ZNF577: variants seen among roughly 807,000 people sequenced by gnomAD.
ZNF577 encodes zinc finger protein 577.
Under a neutral mutation model 13.9 loss-of-function variants are expected in ZNF577, and 14 were observed. The observed-to-expected ratio is 1.00, with a 90% CI of 0.66 to 1.57. ZNF577 has a LOEUF of 1.57. ZNF577 is among the 40% of genes most tolerant of loss of function. The pLI is 0.00. For missense variants in ZNF577, 555 were observed against 579.2 expected (o/e 0.96, Z 0.43); for synonymous variants, 203 against 202.9 (o/e 1.00, Z 0.00).
intron 5 of ZNF577, among the ~76,000 whole-genome samples, chr19:51,848,740 C>T (rs7252002): frequency 0.41 from 62,077 of 152,040 alleles, 14,144 homozygotes; most frequent in African/African-American, 0.61. Context: ...TACTGTGATG[C>T]AGGAGTCAAC....
At position 51,872,397 on chromosome 19, in the gene ZNF577, C is replaced by T. The variant is rs937820395; in HGVS notation, c.*135G>A. The stretch of plus-strand genomic sequence containing the variant: ...CCAACATGATTTCAATGGTGTTTAA[C>T]AGGTTTGACTTCTCACAGAAATGTC... On this transcript the variant is annotated 3_prime_UTR_variant, in exon 6 of 6. Coordinates refer to ENST00000638348, the MANE Select transcript of ZNF577 (RefSeq NM_001370449.1). 16 of 691,098 alleles carry T rather than the reference C, an allele frequency of 2.3e-5. No homozygotes were observed. The highest frequency in any genetic ancestry group is 3.6e-5 in the African/African-American group (2 of 55,286). The allele number at this position is 691,098 out of a possible 1,614,324, so 42.8% of individuals were successfully genotyped here.
chr19:51,824,907 C>A lies in ZNF577; in HGVS notation c.*600-13233G>T. The A allele has an allele frequency of 5.5e-6, 5 of 917,052 alleles. No homozygotes were observed. The highest frequency in any genetic ancestry group is 8.2e-6 in the Non-Finnish European group (5 of 608,954). The allele number at this position is 917,052 out of a possible 1,614,324, so 56.8% of individuals were successfully genotyped here. A position where few individuals can be genotyped will look rare whatever the true frequency, so the allele number is the denominator to read the frequency against. ...TTTTCTTCCTCTTTCATACCACCAC[C>A]ACCACAATCATCAACATAAAGGAAG... On this transcript the variant is annotated intron_variant and NMD_transcript_variant, in intron 9 of 10. Transcript: ENST00000638827. This position sits in a 1 kb window ranked among gnomAD's most constrained non-coding sequence, Gnocchi z 4.7.
rs373536710 is a variant in ZNF577, at chr19:51,878,456, C to T, written c.120G>A (p.Leu40=). Residue 40 remains leucine (L), a synonymous_variant, in exon 4 of 6, where the codon TTG becomes TTA. Transcript: ENST00000638348. ...TGTACAAGACCTTCTGAGACTGGTC[C>T]AAAAACTGCCACTCCTCCCTGGTGA... ...VGFTREEWQF[L]DQSQKVLYKE... is the part of the protein sequence containing the mutation. 2.0e-4 allele frequency: 330 copies of T among 1,613,928 alleles called. No homozygotes were observed. Among genetic ancestry groups the T allele is most frequent in the Non-Finnish European group, 2.7e-4 (319 of 1,180,000 alleles).
chr19:51,848,598 G>T lies in ZNF577; in HGVS notation c.284-3667C>A, dbSNP rs538169626. 3.1e-4 allele frequency among the ~76,000 whole-genome samples: 47 copies of T among 152,242 alleles called. 1 individual carries two copies. Among genetic ancestry groups the T allele is most frequent in the Middle Eastern group, 3.4e-3 (1 of 294 alleles). On this transcript the variant is annotated intron_variant and NMD_transcript_variant, in intron 5 of 10. Transcript: ENST00000638827. The stretch of plus-strand genomic sequence containing the variant: ...TGGTTTGTGGGGAGAGATGGTGAGG[G>T]CTTAAGAACTAATGTAAAGATGCCT...
At chr19:51,829,298 A>G (rs1358848972) in intron 9 of ZNF577, among the ~76,000 whole-genome samples, 1 of 152,194 alleles carries the variant, frequency 6.6e-6, no homozygotes, top group African/African-American at 2.4e-5. Context: ...GCATTTATTC[A>G]GTACAGATTT....
In ZNF577 at chr19:51,868,327, G is replaced by A. The variant is rs143320083; in HGVS notation, c.*4205C>T. Reference sequence around the variant, plus strand: ...CACACCTAAAAAAGTTTCATCTGGGGTGTAAAAGGAGAAAGTCAGCAGAGT... The same window carrying A: ...CACACCTAAAAAAGTTTCATCTGGGATGTAAAAGGAGAAAGTCAGCAGAGT... On this transcript the variant is annotated 3_prime_UTR_variant, in exon 6 of 6. Transcript: ENST00000638348. Among the ~76,000 whole-genome samples the A allele has an allele frequency of 1.7e-3, 253 of 152,262 alleles. No homozygotes were observed. In the Middle Eastern group the frequency reaches 0.02, roughly 12 times the overall value.
At position 51,880,314 on chromosome 19, in the gene ZNF577, C is replaced by T; in HGVS notation, c.60+9G>A. 2 of 1,613,808 alleles carry T rather than the reference C, an allele frequency of 1.2e-6. No homozygotes were observed. Among genetic ancestry groups the T allele is most frequent in the South Asian group, 1.1e-5 (1 of 91,046 alleles). ...GTTTCTCAAGCTCTCACAGCAATGA[C>T]AAATTTACCTCCCCTGAAGAACTGC... is the stretch of plus-strand genomic sequence containing the variant. On this transcript the variant is annotated intron_variant, in intron 3 of 5. Transcript: ENST00000638348.
At chr19:51,852,266 C>T (rs534757353) in intron 5 of ZNF577, among the ~76,000 whole-genome samples, 7 of 152,334 alleles carry the variant, frequency 4.6e-5, no homozygotes, top group Non-Finnish European at 8.8e-5. Context: ...GCTGGCCATT[C>T]TTTTGGGCTA....
At chr19:51,855,395 G>GTGTC (rs898365257) in intron 5 of ZNF577, among the ~76,000 whole-genome samples, 2 of 151,402 alleles carry the variant, frequency 1.3e-5, no homozygotes, top group Non-Finnish European at 2.9e-5. Context: ...GTGTGTGTGT[G>GTGTC]TGTGTGTGTG....
intron 5 of ZNF577, among the ~76,000 whole-genome samples, chr19:51,854,609 C>A (rs982891914): frequency 3.3e-5 from 5 of 150,370 alleles, no homozygotes; most frequent in Middle Eastern, 3.4e-3. Flanking sequence ...ACTGGGTTTA[C>A]AAGTGAGAGC....
intron 10 of ZNF577, among the ~76,000 whole-genome samples, chr19:51,806,287 G>T (rs59974934): frequency 6.6e-6 from 1 of 152,054 alleles, no homozygotes; most frequent in African/African-American, 2.4e-5. Flanking sequence ...GCACCCACAT[G>T]GCTTGTCAAT....
At chr19:51,835,896 T>G (rs763443240) in intron 9 of ZNF577, among the ~76,000 whole-genome samples, 8 of 152,236 alleles carry the variant, frequency 5.3e-5, no homozygotes, top group Non-Finnish European at 7.3e-5. Context: ...TTTCACCATG[T>G]TGGTCAGGCT....
rs1042559072 is a variant in ZNF577 at position 51,856,869 on chromosome 19, G to A, written c.284-11938C>T. Among the ~76,000 whole-genome samples the A allele has an allele frequency of 4.6e-5, 7 of 152,142 alleles. No individual in the cohort carries two copies. The South Asian group carries it at 6.2e-4, about 14-fold the overall frequency. On this transcript the variant is annotated intron_variant and NMD_transcript_variant, in intron 5 of 10. Coordinates refer to the ZNF577 transcript ENST00000638827. The stretch of plus-strand genomic sequence containing the variant: ...CAGGATAGAACTGATAAAGTAAAAC[G>A]AAATGAAAGTACTTCCTAGAAGCAG...
intron 5 of ZNF577, among the ~76,000 whole-genome samples, chr19:51,852,552 C>T (rs1314970714): frequency 1.3e-5 from 2 of 152,120 alleles, no homozygotes; most frequent in Non-Finnish European, 2.9e-5. Context: ...AATACATTCC[C>T]TCACCGAGGA....
chr19:51,807,782 C>T (rs56003369), intron 10 of ZNF577, among the ~76,000 whole-genome samples: 5,567 of 152,276 alleles, frequency 0.037, 161 homozygotes, highest in Middle Eastern at 0.054. Context: ...GCCAGGCAGT[C>T]GACATTTCCC....
chr19:51,819,308 T>TA (rs1354498481), intron 9 of ZNF577, among the ~76,000 whole-genome samples: 1 of 152,168 alleles, frequency 6.6e-6, no homozygotes. Flanking sequence ...AGGCCAGTGC[T>TA]AATAATTCAG....
At chr19:51,879,851 TAGAAAAA>T (rs1269968479) in intron 3 of ZNF577, among the ~76,000 whole-genome samples, 1 of 152,146 alleles carries the variant, frequency 6.6e-6, no homozygotes, top group African/African-American at 2.4e-5. Flanking sequence ...TAATTAAACA[TAGAAAAA>T]GCAAAACAAG....
chr19:51,878,343 C>A, intron 4 of ZNF577, 46 bp downstream of exon 4: 1 of 1,602,168 alleles, frequency 6.2e-7, no homozygotes, highest in South Asian at 1.1e-5. Flanking sequence ...GTACAGTGGT[C>A]ACCAAATAAG....
chr19:51,873,024 T>C lies in ZNF577; in HGVS notation c.966A>G (p.Gly322=). The C allele has an allele frequency of 1.9e-6, 3 of 1,614,206 alleles. No individual in the cohort carries two copies. The highest frequency in any genetic ancestry group is 2.5e-6 in the Non-Finnish European group (3 of 1,180,042). Residue 322 remains glycine, a synonymous_variant, in exon 6 of 6, where the codon GGA becomes GGG. Transcript: ENST00000638348. Reference sequence around the variant, plus strand: ...ACTCACTACATTCATAAGGTTTCTCTCCCGTATGAATCCTCTGATGTCTGG... The same window carrying C: ...ACTCACTACATTCATAAGGTTTCTCCCCCGTATGAATCCTCTGATGTCTGG... ...DLTRHQRIHT[G]EKPYECSECE... is the part of the protein sequence containing the mutation.
Sources: gnomAD v4.1 joint callset for allele counts (sites outside exome capture counted in the v4.1 genomes callset) on GRCh38, gnomAD v4.1.1 for gene constraint, Gnocchi (gnomAD v3.1) non-coding constraint, MANE v1.5 for transcripts, NCBI Gene and HGNC (gene_info 2026-07-23, HGNC 2026-07-21) for gene names.